Variants in RABGAP1L observed in about 807,000 individuals in gnomAD.
RABGAP1L encodes RAB GTPase activating protein 1 like.
Under a neutral mutation model 137.7 loss-of-function variants are expected in RABGAP1L, and 63 were observed. That is an observed-to-expected ratio of 0.46 (90% CI 0.37 to 0.56). The LOEUF is 0.56. Among genes scored for constraint, RABGAP1L ranks in the 20% least tolerant of loss-of-function variants. The pLI is 0.00. For synonymous variants in RABGAP1L, 431 were observed against 433.7 expected (o/e 0.99, Z 0.08); for missense variants, 1,095 against 1,244.0 (o/e 0.88, Z 1.80).
intron 13 of RABGAP1L, among the ~76,000 whole-genome samples, chr1:174,528,146 A>C (rs1664074161): frequency 6.6e-6 from 1 of 152,034 alleles, no homozygotes; most frequent in South Asian, 2.1e-4. Flanking sequence ...TTTATATTCT[A>C]GGTGGTTATT....
chr1:174,772,770 C>T (rs747367410), intron 18 of RABGAP1L, among the ~76,000 whole-genome samples: 5 of 151,986 alleles, frequency 3.3e-5, no homozygotes, highest in Non-Finnish European at 1.5e-5. Flanking sequence ...CTGGCAGTCA[C>T]CATTCTGCTT....
At chr1:174,466,438 A>C (rs894383695) in intron 13 of RABGAP1L, among the ~76,000 whole-genome samples, 2 of 152,136 alleles carry the variant, frequency 1.3e-5, no homozygotes, top group Admixed American at 6.5e-5. Context: ...GTTAATATCT[A>C]GTTCCCATTT....
intron 14 of RABGAP1L, among the ~76,000 whole-genome samples, chr1:174,646,048 TG>T (rs1674943586): frequency 6.6e-6 from 1 of 152,042 alleles, no homozygotes; most frequent in South Asian, 2.1e-4. Context: ...CACTTTTTGA[TG>T]GGGTTGTTTG....
intron 13 of RABGAP1L, among the ~76,000 whole-genome samples, chr1:174,567,794 G>C (rs1160622894): frequency 6.6e-6 from 1 of 152,158 alleles, no homozygotes; most frequent in Non-Finnish European, 1.5e-5. Flanking sequence ...GGTAAATGTA[G>C]AGAGAAAGCA....
At chr1:174,766,799 A>G (rs552020574) in intron 18 of RABGAP1L, among the ~76,000 whole-genome samples, 1 of 152,286 alleles carries the variant, frequency 6.6e-6, no homozygotes, top group East Asian at 1.9e-4. Context: ...TCAGCCCATG[A>G]TGGGGGAAGG....
rs2148715883 is a variant in RABGAP1L, at chr1:174,766,273, G to C, written c.2211+13919G>C. On this transcript the variant is annotated intron_variant, in intron 18 of 25. Transcript: ENST00000681986. ...CCCAGTCTGATTCCTTTTTATGACA[G>C]CCCTAGCATACCATACACTAGGGGT... is the stretch of plus-strand genomic sequence containing the variant. Among the ~76,000 whole-genome samples, 2 of 152,300 alleles carry C rather than the reference G, an allele frequency of 1.3e-5. 1 individual carries two copies. The highest frequency in any genetic ancestry group is 4.1e-4 in the South Asian group (2 of 4,826).
At position 174,979,028 on chromosome 1, in the gene RABGAP1L, T is replaced by A. The variant is rs186086029; in HGVS notation, c.2733+138T>A. On this transcript the variant is annotated intron_variant, in intron 23 of 25. Coordinates refer to ENST00000681986, the MANE Select transcript of RABGAP1L (RefSeq NM_001366446.1). ...ACCCCATATCTACAAGGAAAAAAAATTTTTTAGTTAGCCAGGCACAGTGGC... is the reference window on the plus strand; with the variant it reads ...ACCCCATATCTACAAGGAAAAAAAAATTTTTAGTTAGCCAGGCACAGTGGC... The A allele has an allele frequency of 7.6e-4, 947 of 1,238,802 alleles. 7 individuals are homozygous for A. The African/African-American group carries it at 0.013, about 18-fold the overall frequency. 76.7% of individuals were successfully genotyped at this position (1,238,802 alleles called of 1,614,324 possible). A position where few individuals can be genotyped will look rare whatever the true frequency, so the allele number is the denominator to read the frequency against.
intron 23 of RABGAP1L, among the ~76,000 whole-genome samples, chr1:174,982,461 A>G (rs1671226059): frequency 6.6e-6 from 1 of 152,208 alleles, no homozygotes; most frequent in African/African-American, 2.4e-5. Context: ...TTCTGTCTAG[A>G]ATTCTTTTCA....
At position 174,713,167 on chromosome 1, in the gene RABGAP1L, A is replaced by G. The variant is rs557735678; in HGVS notation, c.2169+10911A>G. Among the ~76,000 whole-genome samples the G allele has an allele frequency of 1.5e-4, 23 of 152,268 alleles. No homozygotes were observed. The East Asian group carries it at 3.5e-3, about 23-fold the overall frequency. On this transcript the variant is annotated intron_variant, in intron 17 of 25. Coordinates refer to ENST00000681986, the MANE Select transcript of RABGAP1L (RefSeq NM_001366446.1). ...GTATCTCACTTCTAGAAGTAAAACA[A>G]TGTCAATGAGATTAGAAGCTTTATA...
chr1:174,454,305 A>G (rs1655791640), intron 13 of RABGAP1L, among the ~76,000 whole-genome samples: 2 of 152,132 alleles, frequency 1.3e-5, no homozygotes, highest in African/African-American at 2.4e-5. Context: ...AAATATTTTA[A>G]CATTTCACAA....
chr1:174,652,697 A>G (rs1298062187), intron 14 of RABGAP1L, among the ~76,000 whole-genome samples: 1 of 152,146 alleles, frequency 6.6e-6, no homozygotes, highest in African/African-American at 2.4e-5. Context: ...CACTCGCCAG[A>G]TGCCAGCCGG....
chr1:174,485,932 T>C (rs1659577797), intron 13 of RABGAP1L, among the ~76,000 whole-genome samples: 1 of 152,206 alleles, frequency 6.6e-6, no homozygotes, highest in East Asian at 1.9e-4. Context: ...CTTCTTTAAA[T>C]GTTTGGTAGA....
chr1:174,225,512 T>C (rs934358383), intron 3 of RABGAP1L, among the ~76,000 whole-genome samples: 7 of 151,686 alleles, frequency 4.6e-5, no homozygotes, highest in Non-Finnish European at 1.0e-4. Context: ...TTTTTTTTTT[T>C]TTTAAAGCAG....
At position 174,448,363 on chromosome 1, in the gene RABGAP1L, A is replaced by G. The variant is rs550866187; in HGVS notation, c.1710+54218A>G. 3.1e-6 allele frequency: 5 copies of G among 1,613,996 alleles called. No homozygotes were observed. The highest frequency in any genetic ancestry group is 2.2e-5 in the East Asian group (1 of 44,864). On this transcript the variant is annotated intron_variant, in intron 13 of 25. Coordinates refer to ENST00000681986, the MANE Select transcript of RABGAP1L (RefSeq NM_001366446.1). This position sits in a 1 kb window ranked among gnomAD's most constrained non-coding sequence, Gnocchi z 4.2. ...CCAGCTATTTCATTCAGACGATGGCATATGCTGATCTTTTCGTTGGAGTTA... is the reference window on the plus strand; with the variant it reads ...CCAGCTATTTCATTCAGACGATGGCGTATGCTGATCTTTTCGTTGGAGTTA...
rs375268283 is a variant in RABGAP1L, at chr1:174,991,465, A to C, written c.*1464A>C. On this transcript the variant is annotated 3_prime_UTR_variant, in exon 26 of 26. Transcript: ENST00000681986. The stretch of plus-strand genomic sequence containing the variant: ...AGTAACACACCCTTAGAAGAATCAA[A>C]TAAGAGCCATCTACATCCCAGGAGG... 30 of 152,230 alleles carry C rather than the reference A, an allele frequency of 2.0e-4. No homozygotes were observed. The highest frequency in any genetic ancestry group is 3.5e-4 in the Non-Finnish European group (24 of 68,038). The allele number at this position is 152,230 out of a possible 1,614,324, so 9.4% of individuals were successfully genotyped here. A position where few individuals can be genotyped will look rare whatever the true frequency, so the allele number is the denominator to read the frequency against.
At chr1:174,939,962 G>A (rs1665580123) in intron 19 of RABGAP1L, among the ~76,000 whole-genome samples, 2 of 152,114 alleles carry the variant, frequency 1.3e-5, no homozygotes, top group South Asian at 2.1e-4. Flanking sequence ...TCTGCTTTAG[G>A]CATCTACTAA....
intron 19 of RABGAP1L, among the ~76,000 whole-genome samples, chr1:174,864,826 A>G (rs1202415830): frequency 6.6e-6 from 1 of 152,172 alleles, no homozygotes; most frequent in Non-Finnish European, 1.5e-5. Flanking sequence ...ATTAAAGACC[A>G]TTTGCATCAG....
intron 11 of RABGAP1L, among the ~76,000 whole-genome samples, chr1:174,349,290 C>G (rs1344544937): frequency 7.8e-6 from 1 of 127,608 alleles, no homozygotes; most frequent in East Asian, 2.5e-4. Flanking sequence ...CTCCTCACTT[C>G]CCAGTAGGGG....
chr1:174,422,002 C>T (rs1342607058), intron 13 of RABGAP1L, among the ~76,000 whole-genome samples: 1 of 152,134 alleles, frequency 6.6e-6, no homozygotes, highest in East Asian at 1.9e-4. Context: ...CTCCTGACCT[C>T]AGGTGATCTG....
Sources: allele counts gnomAD v4.1 joint callset (sites outside exome capture counted in the v4.1 genomes callset), GRCh38; gene constraint gnomAD v4.1.1; non-coding constraint Gnocchi (gnomAD v3.1); transcripts MANE v1.5; gene names NCBI Gene and HGNC (gene_info 2026-07-23, HGNC 2026-07-21).